The following CIMIP4 variants were observed in gnomAD, a reference collection of about 807,000 sequenced individuals.
CIMIP4 encodes protein EAN57.
At chr22:36,991,699 G>A in the CIMIP4 span, 3 of 941,208 alleles carry the variant, frequency 3.2e-6, no homozygotes, top group East Asian at 2.4e-5. Flanking sequence ...ATTGTGGAAC[G>A]GAAGGAGAGT....
the CIMIP4 span, chr22:37,002,243 G>A: frequency 1.4e-6 from 2 of 1,452,856 alleles, no homozygotes; most frequent in Non-Finnish European, 1.8e-6. Context: ...CGCTTTCCAG[G>A]GGTCCAAGTC....
At chr22:37,004,153 T>G in the CIMIP4 span, 1 of 766,894 alleles carries the variant, frequency 1.3e-6, no homozygotes, top group South Asian at 2.0e-5. Context: ...GTTCCTAAGC[T>G]GCCCCTGGTG....
chr22:36,996,494 GAA>G, the CIMIP4 span, among the ~76,000 whole-genome samples: 1 of 148,084 alleles, frequency 6.8e-6, no homozygotes, highest in African/African-American at 2.5e-5. Flanking sequence ...GATGTTTATA[GAA>G]AAAAAAAAAT....
the CIMIP4 span, chr22:37,003,897 T>C: frequency 2.7e-6 from 4 of 1,483,082 alleles, no homozygotes; most frequent in Non-Finnish European, 3.6e-6. Context: ...GCCGGTGCCC[T>C]GCTGCCCCAG....
chr22:37,001,280 T>G, the CIMIP4 span, among the ~76,000 whole-genome samples: 1 of 151,786 alleles, frequency 6.6e-6, no homozygotes, highest in South Asian at 2.1e-4. Context: ...GTCAGCCTGA[T>G]CTAGTGCAAC....
the CIMIP4 span, among the ~76,000 whole-genome samples, chr22:37,001,408 A>AGG: frequency 6.6e-6 from 1 of 152,168 alleles, no homozygotes; most frequent in African/African-American, 2.4e-5. Flanking sequence ...ATTCCCAATA[A>AGG]ATGCTATCCA....
At chr22:37,002,324 C>A in the CIMIP4 span, 1 of 1,299,612 alleles carries the variant, frequency 7.7e-7, no homozygotes. Flanking sequence ...CAAAGAGAAA[C>A]AGAGGGGGAG....
the CIMIP4 span, among the ~76,000 whole-genome samples, chr22:36,994,120 G>C: frequency 6.6e-6 from 1 of 152,136 alleles, no homozygotes; most frequent in Non-Finnish European, 1.5e-5. Flanking sequence ...TCTCAAAATA[G>C]ATAAGGCAAA....
chr22:36,993,266 T>C, the CIMIP4 span, among the ~76,000 whole-genome samples: 1 of 151,798 alleles, frequency 6.6e-6, no homozygotes, highest in South Asian at 2.1e-4. Flanking sequence ...CATCTCGGCC[T>C]CCCAAAGTGC....
At chr22:36,996,229 T>C in the CIMIP4 span, among the ~76,000 whole-genome samples, 1 of 144,172 alleles carries the variant, frequency 6.9e-6, no homozygotes, top group East Asian at 2.7e-4. Context: ...ACCTGGCATA[T>C]GTTAAATACT....
the CIMIP4 span, among the ~76,000 whole-genome samples, chr22:37,003,422 G>T: frequency 6.6e-6 from 1 of 152,142 alleles, no homozygotes; most frequent in East Asian, 1.9e-4. Context: ...TTCTCAGAGC[G>T]GGCCTGACTC....
chr22:36,999,544 A>G, the CIMIP4 span, among the ~76,000 whole-genome samples: 7 of 14,850 alleles, frequency 4.7e-4, no homozygotes, highest in Admixed American at 1.2e-3. Context: ...AGGGGAGGGG[A>G]GGGGAGAGAA....
the CIMIP4 span, among the ~76,000 whole-genome samples, chr22:36,996,910 G>A: frequency 7.2e-5 from 11 of 152,180 alleles, no homozygotes; most frequent in African/African-American, 2.7e-4. Context: ...CAGGTCACCG[G>A]GAGGAAAGAT....
At chr22:36,996,915 A>C in the CIMIP4 span, among the ~76,000 whole-genome samples, 1 of 152,240 alleles carries the variant, frequency 6.6e-6, no homozygotes, top group Admixed American at 6.5e-5. Flanking sequence ...CACCGGGAGG[A>C]AAGATGAGCC....
the CIMIP4 span, among the ~76,000 whole-genome samples, chr22:36,994,636 T>A: frequency 6.8e-5 from 10 of 146,438 alleles, no homozygotes; most frequent in African/African-American, 2.3e-4. Context: ...TGAGATTTTT[T>A]TTTTTTTTTT....
chr22:36,994,786 G>C, the CIMIP4 span, among the ~76,000 whole-genome samples: 1 of 151,582 alleles, frequency 6.6e-6, no homozygotes, highest in African/African-American at 2.4e-5. Flanking sequence ...GCCCGCCACC[G>C]CGCCCGGCTA....
At chr22:36,994,102 T>G in the CIMIP4 span, among the ~76,000 whole-genome samples, 1 of 152,146 alleles carries the variant, frequency 6.6e-6, no homozygotes, top group Non-Finnish European at 1.5e-5. Flanking sequence ...CTTGCTACAT[T>G]GAAATAATCT....
the CIMIP4 span, chr22:36,999,816 C>T: frequency 1.2e-6 from 2 of 1,604,190 alleles, no homozygotes; most frequent in Non-Finnish European, 1.7e-6. Flanking sequence ...TGTTCACGGC[C>T]CCACCCTTGC....
At chr22:37,004,030 A>T in the CIMIP4 span, 1 of 1,544,486 alleles carries the variant, frequency 6.5e-7, no homozygotes. Context: ...TTAGTCCTGT[A>T]AACAAAGCAC....
Sources: allele counts gnomAD v4.1 joint callset (sites outside exome capture counted in the v4.1 genomes callset), GRCh38; gene constraint gnomAD v4.1.1; transcripts MANE v1.5; gene names NCBI Gene and HGNC (gene_info 2026-07-23, HGNC 2026-07-21).